PTPRN2: variants seen among roughly 807,000 people sequenced by gnomAD.
PTPRN2 encodes protein tyrosine phosphatase receptor type N2, also known as receptor-type tyrosine-protein phosphatase N2.
In PTPRN2, 74 loss-of-function variants were observed where a neutral mutation model predicts 118.8. The observed-to-expected ratio is 0.62, with a 90% CI of 0.52 to 0.76. The LOEUF is 0.76. PTPRN2 is among the 30% of genes least tolerant of loss of function. The pLI, the probability that PTPRN2 is intolerant of heterozygous loss-of-function variation, is 0.00. For synonymous variants in PTPRN2, 641 were observed against 608.0 expected (o/e 1.05, Z -0.80); for missense variants, 1,481 against 1,394.4 (o/e 1.06, Z -0.99).
intron 6 of PTPRN2, among the ~76,000 whole-genome samples, chr7:158,151,203 A>G (rs36147294): frequency 0.21 from 1,216 of 5,708 alleles, 536 homozygotes; most frequent in Middle Eastern, 0.67. Flanking sequence ...TGCCCACACC[A>G]CCCACCTTCT....
intron 12 of PTPRN2, among the ~76,000 whole-genome samples, chr7:157,767,778 T>G (rs1272641909): frequency 6.6e-6 from 1 of 152,248 alleles, no homozygotes; most frequent in Non-Finnish European, 1.5e-5. Context: ...TGGCAAGGCC[T>G]GCCAGGCTCA....
chr7:158,301,470 C>T (rs1011696058), intron 3 of PTPRN2, among the ~76,000 whole-genome samples: 2 of 152,234 alleles, frequency 1.3e-5, no homozygotes, highest in African/African-American at 4.8e-5. Flanking sequence ...AGGTGCTTAG[C>T]AGAATGCTCT....
rs140569590 is a variant in PTPRN2, at chr7:158,124,370, G to A, written c.1556+9307C>T. Among the ~76,000 whole-genome samples the A allele has an allele frequency of 3.5e-3, 529 of 152,344 alleles. 3 individuals carry two copies. Among genetic ancestry groups the A allele is most frequent in the African/African-American group, 0.012 (497 of 41,586 alleles). ...TTCTGCATGATATGCAGGCCCCCAC[G>A]TTAGTGGACAACTGCAGCACTACTG... On this transcript the variant is annotated intron_variant, in intron 9 of 22. Coordinates refer to ENST00000389418, the MANE Select transcript of PTPRN2 (RefSeq NM_002847.5).
intron 3 of PTPRN2, among the ~76,000 whole-genome samples, chr7:158,283,315 A>AGGTCTGG (rs1799554266): frequency 6.6e-6 from 1 of 152,116 alleles, no homozygotes; most frequent in African/African-American, 2.4e-5. Flanking sequence ...GACCCCCAAG[A>AGGTCTGG]GGAGAGGGAG....
chr7:158,571,482 A>G (rs1293670909), intron 1 of PTPRN2, among the ~76,000 whole-genome samples: 2 of 149,914 alleles, frequency 1.3e-5, no homozygotes, highest in Non-Finnish European at 2.9e-5. Flanking sequence ...CAACTCAAAA[A>G]AAACAAAAAC....
rs144132340 is a variant in PTPRN2 at position 157,920,894 on chromosome 7, A to G, written c.1724-22157T>C. 6.0e-4 allele frequency among the ~76,000 whole-genome samples: 91 copies of G among 152,204 alleles called. 1 individual carries two copies. In the East Asian group the frequency reaches 0.016, roughly 27 times the overall value. Reference sequence around the variant, plus strand: ...ACAACACCAAAAGCACAGTTCATGAAAAAAACAACTGATAGGCAGGACTTC... The same window carrying G: ...ACAACACCAAAAGCACAGTTCATGAGAAAAACAACTGATAGGCAGGACTTC... On this transcript the variant is annotated intron_variant, in intron 11 of 22. Coordinates refer to ENST00000389418, the MANE Select transcript of PTPRN2 (RefSeq NM_002847.5).
At chr7:158,078,124 A>C (rs1288481446) in intron 11 of PTPRN2, among the ~76,000 whole-genome samples, 4 of 152,230 alleles carry the variant, frequency 2.6e-5, no homozygotes, top group Non-Finnish European at 4.4e-5. Context: ...TTCGGCATCA[A>C]TACCACGTGA....
intron 3 of PTPRN2, among the ~76,000 whole-genome samples, chr7:158,230,050 C>G (rs546462057): frequency 6.6e-6 from 1 of 152,278 alleles, no homozygotes; most frequent in Non-Finnish European, 1.5e-5. Flanking sequence ...CAACCAACTA[C>G]TCAACAGAAA....
chr7:157,975,174 A>C (rs1242986288), intron 11 of PTPRN2, among the ~76,000 whole-genome samples: 1 of 151,916 alleles, frequency 6.6e-6, no homozygotes, highest in African/African-American at 2.4e-5. Context: ...TCCTGCCAAC[A>C]CTGCTGTCCA....
At position 158,274,460 on chromosome 7, in the gene PTPRN2, G is replaced by A. The variant is rs557644693; in HGVS notation, c.277+42359C>T. 1.4e-3 allele frequency among the ~76,000 whole-genome samples: 174 copies of A among 128,786 alleles called. 2 individuals carry two copies. Among genetic ancestry groups the A allele is most frequent in the African/African-American group, 4.5e-3 (160 of 35,902 alleles). 84.5% of individuals were successfully genotyped at this position (128,786 alleles called of 152,430 possible). A position where few individuals can be genotyped will look rare whatever the true frequency, so the allele number is the denominator to read the frequency against. On this transcript the variant is annotated intron_variant, in intron 3 of 22. Coordinates refer to ENST00000389418, the MANE Select transcript of PTPRN2 (RefSeq NM_002847.5). ...GGAGGAGCCGCAGACACGGGGAGCC[G>A]CAGACACAGGAGGAGACACACGAGG...
chr7:158,143,660 G>A (rs998459139), intron 6 of PTPRN2, among the ~76,000 whole-genome samples: 1 of 152,126 alleles, frequency 6.6e-6, no homozygotes, highest in Admixed American at 6.5e-5. Flanking sequence ...CAGGTGAGTG[G>A]GGCAGGAGGG....
chr7:157,818,934 C>T (rs533039897), intron 12 of PTPRN2, among the ~76,000 whole-genome samples: 32 of 152,162 alleles, frequency 2.1e-4, no homozygotes, highest in Admixed American at 1.5e-3. Flanking sequence ...GGCCCAGGCA[C>T]CCGTGACAAC....
At chr7:158,039,632 C>T (rs192284119) in intron 11 of PTPRN2, among the ~76,000 whole-genome samples, 23 of 152,332 alleles carry the variant, frequency 1.5e-4, no homozygotes, top group African/African-American at 5.5e-4. Flanking sequence ...AGTAAACAGC[C>T]TAACTCACAG....
intron 11 of PTPRN2, among the ~76,000 whole-genome samples, chr7:157,997,743 C>A (rs952156833): frequency 1.3e-5 from 2 of 148,644 alleles, no homozygotes; most frequent in Non-Finnish European, 3.0e-5. Flanking sequence ...GTCATAGGGA[C>A]CCTGTGGAGC....
At chr7:158,495,005 T>A (rs1036716631) in intron 1 of PTPRN2, among the ~76,000 whole-genome samples, 1 of 152,020 alleles carries the variant, frequency 6.6e-6, no homozygotes, top group Admixed American at 6.5e-5. Context: ...TGTCAGTCAC[T>A]CTGTGTCTTT....
At position 157,576,764 on chromosome 7, in the gene PTPRN2, C is replaced by CG; in HGVS notation, c.2631dup (p.Glu878ArgfsTer6). 1 of 1,604,202 alleles carries CG rather than the reference C, an allele frequency of 6.2e-7. No homozygotes were observed. On this transcript the variant is annotated frameshift_variant, in exon 19 of 23. Coordinates refer to ENST00000389418, the MANE Select transcript of PTPRN2 (RefSeq NM_002847.5). LOFTEE classifies it high-confidence loss of function. The stretch of plus-strand genomic sequence containing the variant: ...AGGAAGTCCTCACACCAGATGTGCT[C>CG]GGAGACCAGGTTCACCTGGCAGGGA...
At chr7:158,067,519 T>C (rs555573975) in intron 11 of PTPRN2, among the ~76,000 whole-genome samples, 1 of 146,008 alleles carries the variant, frequency 6.8e-6, no homozygotes, top group South Asian at 2.1e-4. Context: ...GAGTCTGCGT[T>C]TTTAACGACC....
intron 2 of PTPRN2, among the ~76,000 whole-genome samples, chr7:158,417,503 C>A (rs1213472567): frequency 1.3e-5 from 2 of 149,500 alleles, no homozygotes; most frequent in African/African-American, 5.0e-5. Flanking sequence ...CTCTCAGTGT[C>A]CCACTGTGTT....
chr7:157,916,068 C>T (rs1798376088), intron 11 of PTPRN2, among the ~76,000 whole-genome samples: 1 of 152,220 alleles, frequency 6.6e-6, no homozygotes, highest in African/African-American at 2.4e-5. Context: ...TAACTAAACA[C>T]AGATGTGTAT....
Sources: allele counts gnomAD v4.1 joint callset (sites outside exome capture counted in the v4.1 genomes callset), GRCh38; gene constraint gnomAD v4.1.1; transcripts MANE v1.5; gene names NCBI Gene and HGNC (gene_info 2026-07-23, HGNC 2026-07-21).